The following CHLSN variants were observed in gnomAD, a reference collection of about 807,000 sequenced individuals.
The protein encoded by CHLSN is protein cholesin.
At chr7:1,006,334 A>G in the CHLSN span, among the ~76,000 whole-genome samples, 11 of 144,890 alleles carry the variant, frequency 7.6e-5, no homozygotes, top group Admixed American at 1.4e-4. Context: ...GGGAAAGAGC[A>G]CACGACGGTC....
the CHLSN span, among the ~76,000 whole-genome samples, chr7:1,017,995 A>G: frequency 6.6e-6 from 1 of 152,218 alleles, no homozygotes; most frequent in Admixed American, 6.5e-5. Context: ...GACCTAGTAG[A>G]ACTTAGCCCA....
the CHLSN span, among the ~76,000 whole-genome samples, chr7:1,001,064 G>A: frequency 2.0e-5 from 3 of 152,088 alleles, no homozygotes; most frequent in African/African-American, 7.2e-5. Context: ...CCCCGCCCCC[G>A]TCCCGCTCCT....
At chr7:1,016,989 G>GCACACGC in the CHLSN span, among the ~76,000 whole-genome samples, 1 of 138,656 alleles carries the variant, frequency 7.2e-6, no homozygotes, top group African/African-American at 2.7e-5. Flanking sequence ...CCAGCGCACA[G>GCACACGC]CAGCGCACAG....
At chr7:1,023,137 C>T in the CHLSN span, 3 of 382,508 alleles carry the variant, frequency 7.8e-6, no homozygotes, top group South Asian at 5.3e-5. This position sits in a 1 kb window ranked among gnomAD's most constrained non-coding sequence, Gnocchi z 5.0. Context: ...CTCAGAAGGA[C>T]GTTTTAAACG....
chr7:1,127,701 A>G, the CHLSN span, among the ~76,000 whole-genome samples: 2,199 of 26,792 alleles, frequency 0.082, 254 homozygotes, highest in South Asian at 0.12. Flanking sequence ...GCAGTGGCAC[A>G]ATCTCGGCTG....
At chr7:1,000,689 A>G in the CHLSN span, 348,381 of 657,896 alleles carry the variant, frequency 0.53, 94,301 homozygotes, top group African/African-American at 0.68. Flanking sequence ...TCATGTGAAG[A>G]GGGTTTTTGG....
At chr7:1,016,513 GCACAGCAGCA>G in the CHLSN span, among the ~76,000 whole-genome samples, 31 of 125,488 alleles carry the variant, frequency 2.5e-4, no homozygotes, top group Middle Eastern at 6.5e-3. Flanking sequence ...GCACAGCAGC[GCACAGCAGCA>G]CACACCAGCA....
chr7:1,004,914 C>T, the CHLSN span, among the ~76,000 whole-genome samples: 20 of 152,190 alleles, frequency 1.3e-4, no homozygotes, highest in Non-Finnish European at 5.9e-5. Flanking sequence ...CTGCCTAGAG[C>T]GTCCCAGAGA....
the CHLSN span, chr7:1,043,814 TC>T: frequency 2.0e-5 from 3 of 152,280 alleles, no homozygotes; most frequent in Non-Finnish European, 4.4e-5. Flanking sequence ...CCGCTATTCT[TC>T]CTGCTGGTGT....
chr7:1,114,910 G>A, the CHLSN span, among the ~76,000 whole-genome samples: 1 of 152,232 alleles, frequency 6.6e-6, no homozygotes, highest in African/African-American at 2.4e-5. Context: ...AGGGTTGGAC[G>A]TGGGTGGGAG....
chr7:1,078,156 C>G, the CHLSN span: 1 of 152,234 alleles, frequency 6.6e-6, no homozygotes, highest in Admixed American at 6.5e-5. Context: ...TGCGGACAGT[C>G]AGAAAACACG....
chr7:1,041,910 C>T, the CHLSN span, among the ~76,000 whole-genome samples: 24 of 152,106 alleles, frequency 1.6e-4, no homozygotes, highest in African/African-American at 5.8e-4. Context: ...ACCTTCCGGA[C>T]CGCCACTCAG....
At chr7:1,028,441 G>A in the CHLSN span, 15 of 985,766 alleles carry the variant, frequency 1.5e-5, no homozygotes, top group African/African-American at 1.7e-5. Flanking sequence ...CGCGCCTGCG[G>A]GGACTGGACC....
At chr7:1,020,425 C>T in the CHLSN span, among the ~76,000 whole-genome samples, 1 of 152,148 alleles carries the variant, frequency 6.6e-6, no homozygotes, top group African/African-American at 2.4e-5. Flanking sequence ...CCCCTAGGTT[C>T]GCTTCTCGCC....
chr7:1,135,161 ACTG>A, the CHLSN span, among the ~76,000 whole-genome samples: 2 of 152,094 alleles, frequency 1.3e-5, no homozygotes, highest in Non-Finnish European at 2.9e-5. Flanking sequence ...GTCCTTGAAC[ACTG>A]AAGGACCCAG....
chr7:1,000,817 G>A, the CHLSN span, among the ~76,000 whole-genome samples: 1 of 152,198 alleles, frequency 6.6e-6, no homozygotes, highest in Non-Finnish European at 1.5e-5. Context: ...CTGACCCCAA[G>A]TCCCCGTGGG....
the CHLSN span, chr7:989,736 C>T: frequency 1.1e-5 from 2 of 174,684 alleles, no homozygotes; most frequent in South Asian, 1.1e-4. Flanking sequence ...GCCGAGTTCG[C>T]ACCACTGCAC....
At chr7:1,005,968 C>T in the CHLSN span, among the ~76,000 whole-genome samples, 7 of 152,368 alleles carry the variant, frequency 4.6e-5, no homozygotes, top group East Asian at 7.7e-4. Context: ...CTGCCCCCAA[C>T]GTGAACACCC....
At chr7:1,110,777 T>C in the CHLSN span, among the ~76,000 whole-genome samples, 1 of 148,552 alleles carries the variant, frequency 6.7e-6, no homozygotes, top group South Asian at 2.1e-4. Flanking sequence ...TGTTTGCAAA[T>C]CAGTACAGAA....
Sources: gnomAD v4.1 joint callset for allele counts (sites outside exome capture counted in the v4.1 genomes callset) on GRCh38, gnomAD v4.1.1 for gene constraint, Gnocchi (gnomAD v3.1) non-coding constraint, MANE v1.5 for transcripts, NCBI Gene and HGNC (gene_info 2026-07-23, HGNC 2026-07-21) for gene names.